The following SLC22A23 variants were observed in gnomAD, a reference collection of about 807,000 sequenced individuals.
The protein encoded by SLC22A23 is solute carrier family 22 member 23.
A neutral mutation model predicts 61.0 loss-of-function variants in SLC22A23; 26 were observed. That is an observed-to-expected ratio of 0.43 (90% CI 0.31 to 0.59). SLC22A23 has a LOEUF of 0.59. Among genes scored for constraint, SLC22A23 ranks in the 20% least tolerant of loss-of-function variants. SLC22A23 has a pLI of 0.11. For missense variants in SLC22A23, 796 were observed against 934.7 expected (o/e 0.85, Z 1.94); for synonymous variants, 430 against 413.9 (o/e 1.04, Z -0.47).
chr6:3,377,194 G>A (rs1457594877), intron 3 of SLC22A23, among the ~76,000 whole-genome samples: 6 of 152,154 alleles, frequency 3.9e-5, no homozygotes, highest in Non-Finnish European at 8.8e-5. Flanking sequence ...TTAAGTAGTT[G>A]TGACAAAAAA....
Position 3,342,780 on chromosome 6 carries a change from C to A in SLC22A23, c.914-18778G>T, listed in dbSNP as rs571445748. 3.3e-5 allele frequency among the ~76,000 whole-genome samples: 5 copies of A among 152,258 alleles called. No homozygotes were observed. The South Asian group carries it at 8.3e-4, about 25-fold the overall frequency. ...ACCCTCCTAGGGTCAGTGCTTGGGG[C>A]CTGTGAATTAAACTGACAAAAGACA... On this transcript the variant is annotated intron_variant, in intron 3 of 9. Coordinates refer to ENST00000406686, the MANE Select transcript of SLC22A23 (RefSeq NM_015482.2). The surrounding 1 kb of genome is among the most constrained non-coding windows in gnomAD (Gnocchi z 4.0).
intron 9 of SLC22A23, among the ~76,000 whole-genome samples, chr6:3,279,519 A>AAAAAAAAAAAAAAAAAAAC (rs1759235958): frequency 6.8e-6 from 1 of 147,664 alleles, no homozygotes; most frequent in Non-Finnish European, 1.5e-5. Flanking sequence ...CAAAAAAAAA[A>AAAAAAAAAAAAAAAAAAAC]AAAAAAAAAA....
chr6:3,272,936 TGA>T lies in SLC22A23; in HGVS notation c.*117_*118del. 3.3e-6 allele frequency: 3 copies of T among 907,210 alleles called. No individual in the cohort carries two copies. In the East Asian group the frequency reaches 7.6e-5, roughly 23 times the overall value. 56.2% of individuals were successfully genotyped at this position (907,210 alleles called of 1,614,324 possible). ...AAAGACAGGATTTCCCCACACCAGTTGAGAGGCTCAGCTTGGCTGAGGCAGCT... is the reference window on the plus strand; with the variant it reads ...AAAGACAGGATTTCCCCACACCAGTTGAGGCTCAGCTTGGCTGAGGCAGCT... On this transcript the variant is annotated 3_prime_UTR_variant, in exon 10 of 10. Transcript: ENST00000406686.
At chr6:3,358,966 G>T (rs1765277000) in intron 3 of SLC22A23, among the ~76,000 whole-genome samples, 2 of 152,288 alleles carry the variant, frequency 1.3e-5, no homozygotes, top group African/African-American at 2.4e-5. Context: ...GCCACCCATT[G>T]CATTTCCATG....
At position 3,309,616 on chromosome 6, in the gene SLC22A23, C is replaced by T. The variant is rs1011217488; in HGVS notation, c.1083-11398G>A. Among the ~76,000 whole-genome samples the T allele has an allele frequency of 1.3e-5, 2 of 152,070 alleles. No individual in the cohort carries two copies. The highest frequency in any genetic ancestry group is 1.5e-5 in the Non-Finnish European group (1 of 68,018). On this transcript the variant is annotated intron_variant, in intron 4 of 9. Coordinates refer to ENST00000406686, the MANE Select transcript of SLC22A23 (RefSeq NM_015482.2). The surrounding 1 kb of genome is among the most constrained non-coding windows in gnomAD (Gnocchi z 4.7). The stretch of plus-strand genomic sequence containing the variant: ...GACCATAATAAGGACTGTGGGCTGA[C>T]GAGCAGGTGGCAGGAGGCAGCGGGC...
intron 1 of SLC22A23, chr6:3,432,439 T>A: frequency 1.0e-6 from 1 of 958,398 alleles, no homozygotes; most frequent in Non-Finnish European, 1.2e-6. Flanking sequence ...GTACAACTGC[T>A]CTTCAGCTCA....
At chr6:3,380,433 C>T (rs1029990398) in intron 3 of SLC22A23, among the ~76,000 whole-genome samples, 3 of 152,202 alleles carry the variant, frequency 2.0e-5, no homozygotes, top group African/African-American at 7.2e-5. Flanking sequence ...TTCCATACAT[C>T]TGAGTGGCCC....
intron 5 of SLC22A23, among the ~76,000 whole-genome samples, chr6:3,296,536 C>G (rs1026387205): frequency 6.6e-6 from 1 of 152,174 alleles, no homozygotes; most frequent in African/African-American, 2.4e-5. Context: ...TTGCAAATCA[C>G]TTAGAAAAGG....
chr6:3,278,704 A>G (rs574131194), intron 9 of SLC22A23, among the ~76,000 whole-genome samples: 5 of 152,374 alleles, frequency 3.3e-5, no homozygotes, highest in Admixed American at 2.6e-4. Flanking sequence ...CTTCTGTAAG[A>G]TGAAGACTGA....
chr6:3,426,042 T>C (rs1395802114), intron 1 of SLC22A23, among the ~76,000 whole-genome samples: 1 of 152,208 alleles, frequency 6.6e-6, no homozygotes, highest in Non-Finnish European at 1.5e-5. Flanking sequence ...TGTTATTTCA[T>C]TGTTACAGTG....
intron 3 of SLC22A23, among the ~76,000 whole-genome samples, chr6:3,407,549 C>T (rs760492012): frequency 6.6e-6 from 1 of 152,234 alleles, no homozygotes; most frequent in Admixed American, 6.5e-5. Context: ...CTTTTGCCAT[C>T]TCTCAACCAA....
intron 1 of SLC22A23, among the ~76,000 whole-genome samples, chr6:3,434,816 G>A (rs1213073657): frequency 3.3e-5 from 5 of 152,124 alleles, no homozygotes; most frequent in Admixed American, 2.0e-4. Context: ...GCATTTGATC[G>A]TATCCTCCCT....
chr6:3,285,557 C>T (rs1244742597), intron 7 of SLC22A23, among the ~76,000 whole-genome samples: 1 of 152,142 alleles, frequency 6.6e-6, no homozygotes. Flanking sequence ...CAAAGGGGCA[C>T]CACAACACCC....
At chr6:3,434,141 C>A (rs778890968) in intron 1 of SLC22A23, among the ~76,000 whole-genome samples, 1 of 151,980 alleles carries the variant, frequency 6.6e-6, no homozygotes, top group Non-Finnish European at 1.5e-5. Flanking sequence ...TGGTGAAACC[C>A]CATCTCTACT....
chr6:3,332,075 GC>G (rs2127410530), intron 3 of SLC22A23, among the ~76,000 whole-genome samples: 1 of 152,346 alleles, frequency 6.6e-6, no homozygotes, highest in East Asian at 1.9e-4. Context: ...AGCAAATGGA[GC>G]CTCACAGGCC....
intron 1 of SLC22A23, among the ~76,000 whole-genome samples, chr6:3,437,981 C>A (rs1439302221): frequency 6.6e-6 from 1 of 152,054 alleles, no homozygotes; most frequent in Non-Finnish European, 1.5e-5. Context: ...CCCAGACAGG[C>A]TCCTGTGGGA....
rs371610622 is a variant in SLC22A23, at chr6:3,360,261, G to A, written c.914-36259C>T. 1.3e-5 allele frequency among the ~76,000 whole-genome samples: 2 copies of A among 152,278 alleles called. No homozygotes were observed. Among genetic ancestry groups the A allele is most frequent in the African/African-American group, 2.4e-5 (1 of 41,556 alleles). On this transcript the variant is annotated intron_variant, in intron 3 of 9. Coordinates refer to ENST00000406686, the MANE Select transcript of SLC22A23 (RefSeq NM_015482.2). The surrounding 1 kb of genome is among the most constrained non-coding windows in gnomAD (Gnocchi z 4.6). ...AAGTAGTTAAAATGGTAATTTTTAT[G>A]CTATGTTTATTTTACCATGATAAAA...
At chr6:3,311,031 A>G (rs1156313657) in intron 4 of SLC22A23, among the ~76,000 whole-genome samples, 1 of 152,226 alleles carries the variant, frequency 6.6e-6, no homozygotes, top group African/African-American at 2.4e-5. Flanking sequence ...GACGCCATTC[A>G]CGGGCTAAAC....
rs995778309 is a variant in SLC22A23, at chr6:3,342,461, C to A, written c.914-18459G>T. ...CTCACCTCCTTTGAAACACACACAC[C>A]TCTTTCTCTCTCCCAGTCTGCAGAG... is the stretch of plus-strand genomic sequence containing the variant. On this transcript the variant is annotated intron_variant, in intron 3 of 9. Coordinates refer to ENST00000406686, the MANE Select transcript of SLC22A23 (RefSeq NM_015482.2). This position sits in a 1 kb window ranked among gnomAD's most constrained non-coding sequence, Gnocchi z 4.0. Among the ~76,000 whole-genome samples the A allele has an allele frequency of 6.6e-6, 1 of 152,150 alleles. No individual in the cohort carries two copies. Among genetic ancestry groups the A allele is most frequent in the African/African-American group, 2.4e-5 (1 of 41,416 alleles).
Sources: gnomAD v4.1 joint callset for allele counts (sites outside exome capture counted in the v4.1 genomes callset) on GRCh38, gnomAD v4.1.1 for gene constraint, Gnocchi (gnomAD v3.1) non-coding constraint, MANE v1.5 for transcripts, NCBI Gene and HGNC (gene_info 2026-07-23, HGNC 2026-07-21) for gene names.